HFM1: variants seen among roughly 807,000 people sequenced by gnomAD.
HFM1 encodes probable ATP-dependent DNA helicase HFM1.
Under a neutral mutation model 192.1 loss-of-function variants are expected in HFM1, and 169 were observed. The ratio of observed to expected loss-of-function variants is 0.88; its 90% CI spans 0.78 to 1.00. HFM1 has a LOEUF of 1.00. Among genes scored for constraint, HFM1 ranks in the 50% least tolerant of loss-of-function variants. The pLI is 0.00. For synonymous variants in HFM1, 525 were observed against 537.8 expected (o/e 0.98, Z 0.33); for missense variants, 1,661 against 1,668.0 (o/e 1.00, Z 0.07).
intron 25 of HFM1, among the ~76,000 whole-genome samples, chr1:91,317,468 T>A (rs924674577): frequency 5.3e-5 from 8 of 152,142 alleles, no homozygotes; most frequent in African/African-American, 1.9e-4. Context: ...TCTTTGGATC[T>A]TTCCTATTTC....
chr1:91,270,151 T>G (rs1156263186), intron 34 of HFM1, among the ~76,000 whole-genome samples: 1 of 152,030 alleles, frequency 6.6e-6, no homozygotes, highest in Non-Finnish European at 1.5e-5. Flanking sequence ...GTTATTGCAG[T>G]AAACAAGAGA....
chr1:91,356,306 T>G (rs1657726610), intron 13 of HFM1, among the ~76,000 whole-genome samples: 2 of 151,698 alleles, frequency 1.3e-5, no homozygotes, highest in South Asian at 4.2e-4. Context: ...TGCAATGGCA[T>G]GATCTCGGCT....
At position 91,322,941 on chromosome 1, in the gene HFM1, C is replaced by T. The variant is rs141840240; in HGVS notation, c.2582+9G>A. The T allele has an allele frequency of 1.1e-4, 133 of 1,253,998 alleles. No homozygotes were observed. In the East Asian group the frequency reaches 3.2e-3, roughly 30 times the overall value. The allele number at this position is 1,253,998 out of a possible 1,614,324, so 77.7% of individuals were successfully genotyped here. A position where few individuals can be genotyped will look rare whatever the true frequency, so the allele number is the denominator to read the frequency against. Reference sequence around the variant, plus strand: ...AAAGAAAACTTTCATAAGTATGAATCATCTTTACCAATTTACTTTCATTTC... The same window carrying T: ...AAAGAAAACTTTCATAAGTATGAATTATCTTTACCAATTTACTTTCATTTC... On this transcript the variant is annotated intron_variant, in intron 23 of 38. Coordinates refer to ENST00000370425, the MANE Select transcript of HFM1 (RefSeq NM_001017975.6).
intron 13 of HFM1, among the ~76,000 whole-genome samples, chr1:91,372,003 G>A (rs1326149708): frequency 6.6e-6 from 1 of 152,130 alleles, no homozygotes; most frequent in African/African-American, 2.4e-5. Context: ...ATCATCACTG[G>A]CCATCAGAGA....
intron 13 of HFM1, among the ~76,000 whole-genome samples, chr1:91,364,633 T>TATATATATATATATA (rs1491502536): frequency 4.0e-5 from 1 of 25,252 alleles, no homozygotes; most frequent in African/African-American, 1.2e-4. Context: ...TATATATATA[T>TATATATATATATATA]TTTTTTTTTT....
At chr1:91,405,423 T>G (rs192995156), upstream of HFM1, among the ~76,000 whole-genome samples, 35 of 152,338 alleles carry the variant, frequency 2.3e-4, no homozygotes, top group Non-Finnish European at 4.9e-4. Context: ...GCAGGGAATG[T>G]TTTGTAGATG....
At chr1:91,386,999 G>A (rs1167865486) in intron 4 of HFM1, among the ~76,000 whole-genome samples, 1 of 152,144 alleles carries the variant, frequency 6.6e-6, no homozygotes, top group Non-Finnish European at 1.5e-5. Context: ...CTAAAAACAA[G>A]GAAACACTTT....
chr1:91,332,715 A>T (rs1007925460), intron 20 of HFM1, among the ~76,000 whole-genome samples: 26 of 152,340 alleles, frequency 1.7e-4, no homozygotes, highest in African/African-American at 6.3e-4. Context: ...CAAAAGATTA[A>T]TAATTAGAAT....
At chr1:91,352,463 T>TA (rs759959349) in intron 16 of HFM1, 43 bp downstream of exon 16, 1 of 1,479,220 alleles carries the variant, frequency 6.8e-7, no homozygotes, top group Non-Finnish European at 9.1e-7. Flanking sequence ...TTTTTGTTTT[T>TA]ATCATGTTTT....
chr1:91,350,225 T>C (rs1200074108), intron 18 of HFM1, among the ~76,000 whole-genome samples: 1 of 152,142 alleles, frequency 6.6e-6, no homozygotes, highest in African/African-American at 2.4e-5. Context: ...TTTAATTTGG[T>C]ATTTCAACAA....
At chr1:91,286,335 A>G (rs540665604) in intron 30 of HFM1, among the ~76,000 whole-genome samples, 10 of 152,196 alleles carry the variant, frequency 6.6e-5, no homozygotes, top group Non-Finnish European at 1.5e-4. Flanking sequence ...AAAGTCTGAA[A>G]TAAGTTGCTG....
chr1:91,321,694 G>A (rs905268015), intron 23 of HFM1, among the ~76,000 whole-genome samples: 2 of 152,100 alleles, frequency 1.3e-5, no homozygotes, highest in African/African-American at 2.4e-5. Flanking sequence ...TCTTGGTTAT[G>A]CTTAAATAAG....
At chr1:91,385,140 T>C (rs780321352) in intron 6 of HFM1, 47 bp downstream of exon 6, 23 of 1,042,388 alleles carry the variant, frequency 2.2e-5, no homozygotes, top group South Asian at 1.9e-4. Context: ...TTTAAAATTA[T>C]GATTTAATAA....
At chr1:91,276,034 G>A (rs1666764971) in intron 32 of HFM1, among the ~76,000 whole-genome samples, 1 of 152,030 alleles carries the variant, frequency 6.6e-6, no homozygotes, top group African/African-American at 2.4e-5. Flanking sequence ...TAGACGTACT[G>A]TATTACTGAG....
chr1:91,334,047 A>G (rs964807353), intron 20 of HFM1, among the ~76,000 whole-genome samples: 14 of 152,238 alleles, frequency 9.2e-5, no homozygotes, highest in Admixed American at 7.2e-4. Context: ...AATATGCTTT[A>G]GTAGAGAGGA....
intron 34 of HFM1, among the ~76,000 whole-genome samples, chr1:91,272,588 T>C (rs917073068): frequency 1.1e-4 from 16 of 152,094 alleles, no homozygotes; most frequent in African/African-American, 3.9e-4. Flanking sequence ...TGTAGTAATA[T>C]AAGGAAGGAG....
At chr1:91,376,537 G>T (rs1388001256) in intron 11 of HFM1, among the ~76,000 whole-genome samples, 1 of 151,768 alleles carries the variant, frequency 6.6e-6, no homozygotes, top group Non-Finnish European at 1.5e-5. Context: ...TCAAGAATTA[G>T]ACAGTACTAG....
chr1:91,297,165 G>T (rs900099467), intron 30 of HFM1, among the ~76,000 whole-genome samples: 1 of 152,176 alleles, frequency 6.6e-6, no homozygotes, highest in Non-Finnish European at 1.5e-5. Context: ...GGCTCGGAGG[G>T]TCCTACAGCC....
At position 91,261,093 on chromosome 1, in the gene HFM1, G is replaced by A. The variant is rs1370551176; in HGVS notation, c.*197C>T. 1 of 344,936 alleles carries A rather than the reference G, an allele frequency of 2.9e-6. No homozygotes were observed. Among genetic ancestry groups the A allele is most frequent in the Non-Finnish European group, 5.4e-6 (1 of 183,790 alleles). 21.4% of individuals were successfully genotyped at this position (344,936 alleles called of 1,614,324 possible). A position where few individuals can be genotyped will look rare whatever the true frequency, so the allele number is the denominator to read the frequency against. The stretch of plus-strand genomic sequence containing the variant: ...TTATTGAAACAAAGCCACTGTAAAA[G>A]AGCTTTTCAAGAAGTTACAATATAA... On this transcript the variant is annotated 3_prime_UTR_variant, in exon 39 of 39. Transcript: ENST00000370425.
Sources: gnomAD v4.1 joint callset for allele counts (sites outside exome capture counted in the v4.1 genomes callset) on GRCh38, gnomAD v4.1.1 for gene constraint, MANE v1.5 for transcripts, NCBI Gene and HGNC (gene_info 2026-07-23, HGNC 2026-07-21) for gene names.